TTC7B: variants seen among roughly 807,000 people sequenced by gnomAD.
TTC7B encodes the protein tetratricopeptide repeat domain 7B.
In TTC7B, 28 loss-of-function variants were observed where a neutral mutation model predicts 106.8. That is an observed-to-expected ratio of 0.26 (90% confidence interval 0.19 to 0.36). The LOEUF (loss-of-function observed/expected upper bound fraction) is 0.36, where lower values mean the gene tolerates loss of function less well. Among genes scored for constraint, TTC7B ranks in the 10% least tolerant of loss-of-function variants. The pLI is 1.00. For synonymous variants in TTC7B, 405 were observed against 430.6 expected (o/e 0.94, Z 0.74); for missense variants, 862 against 1,076.4 (o/e 0.80, Z 2.79).
chr14:90,724,105 T>A (rs1888998835), intron 5 of TTC7B, among the ~76,000 whole-genome samples: 1 of 151,484 alleles, frequency 6.6e-6, no homozygotes, highest in South Asian at 2.1e-4. Context: ...TCCCCATCTG[T>A]AGGCATCTAC....
intron 5 of TTC7B, among the ~76,000 whole-genome samples, chr14:90,719,270 C>A (rs1334151020): frequency 6.6e-6 from 1 of 152,102 alleles, no homozygotes; most frequent in East Asian, 1.9e-4. Flanking sequence ...CAAGACCCTG[C>A]CTCAAAAAAA....
At position 90,730,212 on chromosome 14, in the gene TTC7B, A is replaced by G; in HGVS notation, c.577-16T>C. On this transcript the variant is annotated splice_polypyrimidine_tract_variant and intron_variant, in intron 4 of 19. Transcript: ENST00000328459. ...AAAGTATTACCTAGAAGGGGAGAAA[A>G]TTGGAAAACTAATCAGATGCACATC... 6.3e-7 allele frequency: 1 copy of G among 1,592,826 alleles called. No individual in the cohort carries two copies. The highest frequency in any genetic ancestry group is 8.5e-7 in the Non-Finnish European group (1 of 1,174,020).
chr14:90,566,819 G>A (rs571557998), intron 19 of TTC7B, among the ~76,000 whole-genome samples: 1 of 152,190 alleles, frequency 6.6e-6, no homozygotes, highest in Non-Finnish European at 1.5e-5. Flanking sequence ...AGCTCTCAGT[G>A]ACTTGGAGTG....
At chr14:90,636,120 C>CAA (rs779277935) in intron 15 of TTC7B, among the ~76,000 whole-genome samples, 8 of 98,584 alleles carry the variant, frequency 8.1e-5, no homozygotes, top group Non-Finnish European at 1.3e-4. Flanking sequence ...GACTCCATCT[C>CAA]AAAAAAAAAA....
chr14:90,768,850 T>A (rs1890771419), intron 3 of TTC7B, among the ~76,000 whole-genome samples: 1 of 152,266 alleles, frequency 6.6e-6, no homozygotes. Context: ...CTTTTTATTA[T>A]CTGCATGACT....
intron 15 of TTC7B, among the ~76,000 whole-genome samples, chr14:90,632,602 C>T (rs1884749438): frequency 6.6e-6 from 1 of 152,220 alleles, no homozygotes; most frequent in South Asian, 2.1e-4. Context: ...GACTTGTTCA[C>T]AGCAGTAATC....
chr14:90,610,878 T>C (rs779703855), intron 16 of TTC7B, 39 bp from the exon 17 acceptor site: 5 of 1,477,232 alleles, frequency 3.4e-6, no homozygotes, highest in Non-Finnish European at 4.7e-6. Context: ...ACCTGCAAGG[T>C]GGGAGGAGGG....
chr14:90,723,773 C>T (rs918160328), intron 5 of TTC7B, among the ~76,000 whole-genome samples: 1 of 152,308 alleles, frequency 6.6e-6, no homozygotes, highest in East Asian at 1.9e-4. Context: ...TTATATATGA[C>T]CAGTACTTAC....
At chr14:90,812,789 A>C (rs1176219786) in intron 1 of TTC7B, among the ~76,000 whole-genome samples, 1 of 152,212 alleles carries the variant, frequency 6.6e-6, no homozygotes, top group South Asian at 2.1e-4. Flanking sequence ...TCACTTTTCA[A>C]CTTGGCATTT....
intron 6 of TTC7B, among the ~76,000 whole-genome samples, chr14:90,690,558 C>A (rs915030235): frequency 6.6e-6 from 1 of 152,152 alleles, no homozygotes; most frequent in African/African-American, 2.4e-5. Flanking sequence ...TGTCAGTTCA[C>A]TTAGCTTGTA....
intron 5 of TTC7B, among the ~76,000 whole-genome samples, chr14:90,704,631 C>A (rs1320409279): frequency 2.0e-5 from 3 of 152,218 alleles, no homozygotes; most frequent in African/African-American, 7.2e-5. Flanking sequence ...GTCTCTGAAC[C>A]TAGACACATC....
chr14:90,678,326 G>A (rs1264102716), intron 8 of TTC7B, among the ~76,000 whole-genome samples: 1 of 152,192 alleles, frequency 6.6e-6, no homozygotes, highest in Non-Finnish European at 1.5e-5. Flanking sequence ...ATGATACCTT[G>A]TAGGTGGAGA....
chr14:90,652,770 T>G, intron 13 of TTC7B, 71 bp downstream of exon 13: 5 of 1,534,068 alleles, frequency 3.3e-6, no homozygotes, highest in Non-Finnish European at 4.5e-6. Flanking sequence ...TATAAATATC[T>G]CTTCTTTTTA....
At chr14:90,749,235 G>C (rs1890061392) in intron 3 of TTC7B, among the ~76,000 whole-genome samples, 1 of 152,052 alleles carries the variant, frequency 6.6e-6, no homozygotes. Context: ...TCCTGGAACT[G>C]ATGGTTTATA....
intron 1 of TTC7B, among the ~76,000 whole-genome samples, chr14:90,812,666 G>T (rs2030961536): frequency 6.6e-6 from 1 of 151,912 alleles, no homozygotes; most frequent in South Asian, 2.1e-4. Flanking sequence ...CTCTCAGTGG[G>T]ACTCACCCGG....
chr14:90,563,405 T>C (rs1890667107), intron 19 of TTC7B, among the ~76,000 whole-genome samples: 2 of 152,338 alleles, frequency 1.3e-5, no homozygotes, highest in East Asian at 1.9e-4. Flanking sequence ...AATACCATTA[T>C]ACCTAAAACA....
chr14:90,546,933 G>A (rs777464378), intron 19 of TTC7B, among the ~76,000 whole-genome samples: 5 of 152,196 alleles, frequency 3.3e-5, no homozygotes, highest in Admixed American at 1.3e-4. Flanking sequence ...CAGATGACCC[G>A]CCTACAGGTA....
rs374826647 is a variant in TTC7B, at chr14:90,813,672, C to CTTT, written c.121+2500_121+2502dup. On this transcript the variant is annotated intron_variant, in intron 1 of 19. Transcript: ENST00000328459. ...TCTGGCTGGCTCCAAACACTGTATT[C>CTTT]TTTTTTTTTTTTTTTCGCCTGTGGT... is the stretch of plus-strand genomic sequence containing the variant. 1.4e-3 allele frequency among the ~76,000 whole-genome samples: 192 copies of CTTT among 140,796 alleles called. 5 individuals carry two copies. Among genetic ancestry groups the CTTT allele is most frequent in the East Asian group, 3.7e-3 (18 of 4,854 alleles). The allele number at this position is 140,796 out of a possible 152,430, so 92.4% of individuals were successfully genotyped here. A position where few individuals can be genotyped will look rare whatever the true frequency, so the allele number is the denominator to read the frequency against.
intron 3 of TTC7B, among the ~76,000 whole-genome samples, chr14:90,770,911 A>G (rs983504466): frequency 2.0e-5 from 3 of 152,210 alleles, no homozygotes. Context: ...ATGAACCTTG[A>G]GGACATTATG....
Sources: gnomAD v4.1 joint callset for allele counts (sites outside exome capture counted in the v4.1 genomes callset) on GRCh38, gnomAD v4.1.1 for gene constraint, MANE v1.5 for transcripts, NCBI Gene and HGNC (gene_info 2026-07-23, HGNC 2026-07-21) for gene names.